The following TIMM44 variants were observed in gnomAD, a reference collection of about 807,000 sequenced individuals.
The protein encoded by TIMM44 is mitochondrial import inner membrane translocase subunit TIM44.
In TIMM44, 37 loss-of-function variants were observed where a neutral mutation model predicts 63.8. The observed-to-expected ratio is 0.58, with a 90% CI of 0.45 to 0.76. The LOEUF is 0.76. Among genes scored for constraint, TIMM44 ranks in the 30% least tolerant of loss-of-function variants. TIMM44 has a pLI of 0.00. For synonymous variants in TIMM44, 239 were observed against 245.1 expected (o/e 0.98, Z 0.23); for missense variants, 573 against 603.8 (o/e 0.95, Z 0.54).
chr19:7,942,203 C>T (rs952129283), intron 1 of TIMM44, among the ~76,000 whole-genome samples: 8 of 152,050 alleles, frequency 5.3e-5, no homozygotes, highest in Admixed American at 3.3e-4. Flanking sequence ...AAAAATTAGC[C>T]GGGCGTGGTG....
At position 7,928,114 on chromosome 19, in the gene TIMM44, T is replaced by C. The variant is rs1342972623; in HGVS notation, c.1091A>G (p.Gln364Arg). 1.2e-6 allele frequency: 2 copies of C among 1,614,080 alleles called. No homozygotes were observed. Among genetic ancestry groups the C allele is most frequent in the Non-Finnish European group, 1.7e-6 (2 of 1,179,968 alleles). ...AATGTCTAGGATGCGAGAATGGAAC[T>C]GGAGACCCAGTGCCTTGGCCTGCTG... ...PIQQAKALGL[Q>R]FHSRILDIDN... Residue 364 changes from glutamine to arginine, a missense_variant, in exon 11 of 13, where the codon CAG becomes CGG. By Grantham distance (43) the Gln-to-Arg change is conservative. Coordinates refer to ENST00000270538, the MANE Select transcript of TIMM44 (RefSeq NM_006351.4).
At chr19:7,939,628 AAAGC>A (rs1193509040) in intron 2 of TIMM44, among the ~76,000 whole-genome samples, 3 of 151,018 alleles carry the variant, frequency 2.0e-5, no homozygotes, top group Admixed American at 6.6e-5. Flanking sequence ...AAAAAAAAAA[AAAGC>A]AGGCTGGACA....
At chr19:7,942,132 C>T (rs1390119120) in intron 1 of TIMM44, among the ~76,000 whole-genome samples, 3 of 152,044 alleles carry the variant, frequency 2.0e-5, no homozygotes, top group Admixed American at 6.6e-5. Context: ...GAGGATCACC[C>T]GGTCAGGAGT....
rs1419046585 is a variant in TIMM44 at position 7,928,100 on chromosome 19, T to A, written c.1105A>T (p.Ile369Phe). ...KALGLQFHSR[I>F]LDIDNVDLAM... ...ACGTCGACGTTGTCAATGTCTAGGA[T>A]GCGAGAATGGAACTGGAGACCCAGT... The change falls in exon 11 of 13, where the codon ATC (isoleucine) becomes TTC (phenylalanine). Residue 369 changes from isoleucine to phenylalanine, a missense_variant. Physicochemically the swap from Ile to Phe is conservative, Grantham distance 21. Transcript: ENST00000270538. 1 of 1,614,024 alleles carries A rather than the reference T, an allele frequency of 6.2e-7. No homozygotes were observed. Among genetic ancestry groups the A allele is most frequent in the Non-Finnish European group, 8.5e-7 (1 of 1,179,948 alleles).
Position 7,943,325 on chromosome 19 carries a change from TCTCTCTCCTGTATACGTGGA to T in TIMM44, c.45+262_45+281del, listed in dbSNP as rs1452715241. Among the ~76,000 whole-genome samples the T allele has an allele frequency of 5.9e-5, 9 of 152,132 alleles. No homozygotes were observed. The South Asian group carries it at 1.7e-3, about 28-fold the overall frequency. ...GGGACGCCGCCGCCCCGGCTACCATTCTCTCTCCTGTATACGTGGAGTCTGATCAGAGGGCGAAGGGTGAT... is the reference window on the plus strand; with the variant it reads ...GGGACGCCGCCGCCCCGGCTACCATTGTCTGATCAGAGGGCGAAGGGTGAT... On this transcript the variant is annotated intron_variant, in intron 1 of 12. Coordinates refer to ENST00000270538, the MANE Select transcript of TIMM44 (RefSeq NM_006351.4). The surrounding 1 kb of genome is among the most constrained non-coding windows in gnomAD (Gnocchi z 4.3).
Position 7,943,040 on chromosome 19 carries a change from CAAA to C in TIMM44, c.45+564_45+566del, listed in dbSNP as rs546602728. ...GGGCGACAAGAGCGAAACTCTGTCT[CAAA>C]AAAAAAAAAAAAAGAGAAAAAAGAA... On this transcript the variant is annotated intron_variant, in intron 1 of 12. Transcript: ENST00000270538. This position sits in a 1 kb window ranked among gnomAD's most constrained non-coding sequence, Gnocchi z 4.3. 1.1e-4 allele frequency among the ~76,000 whole-genome samples: 9 copies of C among 84,000 alleles called. No individual in the cohort carries two copies. The highest frequency in any genetic ancestry group is 3.6e-4 in the South Asian group (1 of 2,816). The allele number at this position is 84,000 out of a possible 152,430, so 55.1% of individuals were successfully genotyped here.
chr19:7,935,167 CTTTTTTTT>C, intron 3 of TIMM44, 22 bp from the exon 4 acceptor site: 15 of 1,254,014 alleles, frequency 1.2e-5, no homozygotes, highest in African/African-American at 3.5e-5. Context: ...GCGCTGTGTC[CTTTTTTTT>C]TTTTTTTTTT....
At position 7,932,711 on chromosome 19, in the gene TIMM44, C is replaced by G. The variant is rs372298685; in HGVS notation, c.903G>C (p.Thr301=). The change falls in exon 9 of 13, where the codon ACG becomes ACC. Residue 301 remains threonine, a synonymous_variant. Coordinates refer to ENST00000270538, the MANE Select transcript of TIMM44 (RefSeq NM_006351.4). ...AGGCCGGGTCCACCCGGAGGATCTC[C>G]GTGAGCACCTCCGACATCTCTGTCT... is the stretch of plus-strand genomic sequence containing the variant. The part of the protein sequence containing the change: ...FSKTEMSEVL[T]EILRVDPAFD... 4 of 1,614,140 alleles carry G rather than the reference C, an allele frequency of 2.5e-6. No homozygotes were observed. Among genetic ancestry groups the G allele is most frequent in the Non-Finnish European group, 3.4e-6 (4 of 1,180,018 alleles).
chr19:7,943,554 GA>G lies in TIMM44; in HGVS notation c.45+52del. 1 of 1,551,340 alleles carries G rather than the reference GA, an allele frequency of 6.4e-7. No homozygotes were observed. Among genetic ancestry groups the G allele is most frequent in the Non-Finnish European group, 8.7e-7 (1 of 1,152,826 alleles). On this transcript the variant is annotated intron_variant, in intron 1 of 12. Transcript: ENST00000270538. The surrounding 1 kb of genome is among the most constrained non-coding windows in gnomAD (Gnocchi z 4.3). Reference sequence around the variant, plus strand: ...GTCTGAGAAGAAAGCCTTGGTGGCCGAAGGCCCAGAAGACCCCTAAGCTCGC... The same window carrying G: ...GTCTGAGAAGAAAGCCTTGGTGGCCGAGGCCCAGAAGACCCCTAAGCTCGC...
At position 7,935,113 on chromosome 19, in the gene TIMM44, G is replaced by C. The variant is rs1434869627; in HGVS notation, c.345C>G (p.Ser115Arg). The C allele has an allele frequency of 2.5e-6, 4 of 1,613,078 alleles. No individual in the cohort carries two copies. The highest frequency in any genetic ancestry group is 1.7e-6 in the Non-Finnish European group (2 of 1,179,858). ...CCCCAAGCTTCTTCCGTAGCACCTC[G>C]CTCGTCCGCACGGTTTCTGACTCGA... The part of the protein sequence containing the change: ...KTIESETVRT[S>R]EVLRKKLGEL... Residue 115 changes from serine to arginine, a missense_variant, in exon 4 of 13, where the codon AGC (serine) becomes AGG (arginine). By Grantham distance (110) the Ser-to-Arg change is moderately radical. Coordinates refer to ENST00000270538, the MANE Select transcript of TIMM44 (RefSeq NM_006351.4).
intron 2 of TIMM44, among the ~76,000 whole-genome samples, chr19:7,938,605 G>A (rs1478959651): frequency 1.3e-5 from 2 of 152,080 alleles, no homozygotes; most frequent in South Asian, 2.1e-4. Context: ...TCAGGAGTTC[G>A]AGACCAGCCT....
chr19:7,928,319 T>G (rs1599645643), intron 10 of TIMM44, 153 bp from the exon 11 acceptor site: 1 of 633,786 alleles, frequency 1.6e-6, no homozygotes, highest in South Asian at 1.8e-5. Flanking sequence ...GGGAGGCAGG[T>G]GCCACCCACT....
rs182468595 is a variant in TIMM44 at position 7,927,128 on chromosome 19, G to A, written c.*59C>T. ...GAGGTCTGGAGTTGCCGCAGGTGGT[G>A]TTGCGGTGCCTCTGTGCCTGATGAC... On this transcript the variant is annotated 3_prime_UTR_variant, in exon 13 of 13. Coordinates refer to ENST00000270538, the MANE Select transcript of TIMM44 (RefSeq NM_006351.4). The A allele has an allele frequency of 4.4e-4, 692 of 1,558,596 alleles. 4 individuals are homozygous for A. The highest frequency in any genetic ancestry group is 1.7e-3 in the Middle Eastern group (10 of 6,012).
intron 2 of TIMM44, among the ~76,000 whole-genome samples, chr19:7,939,860 C>T (rs548405886): frequency 6.6e-4 from 100 of 152,248 alleles, no homozygotes; most frequent in Middle Eastern, 3.4e-3. Context: ...TTGCAGTGAG[C>T]GGTATCTCGC....
chr19:7,928,220 C>G lies in TIMM44; in HGVS notation c.1039-54G>C, dbSNP rs553349734. The stretch of plus-strand genomic sequence containing the variant: ...GATGCCACCCAGGGTGGGCACCACG[C>G]CACACAGAGCTGCTGCCCACACACC... On this transcript the variant is annotated intron_variant, in intron 10 of 12. Transcript: ENST00000270538. The G allele has an allele frequency of 4.1e-5, 60 of 1,464,526 alleles. 1 individual carries two copies. In the South Asian group the frequency reaches 7.0e-4, roughly 17 times the overall value. The allele number at this position is 1,464,526 out of a possible 1,614,324, so 90.7% of individuals were successfully genotyped here. A position where few individuals can be genotyped will look rare whatever the true frequency, so the allele number is the denominator to read the frequency against.
At position 7,927,294 on chromosome 19, in the gene TIMM44, G is replaced by A. The variant is rs1178377258; in HGVS notation, c.1252C>T (p.Arg418Trp). The part of the protein sequence containing the change: ...VVEGDPDKVL[R>W]MLYVWALCRD... ...CAGAGCGCCCACACGTACAGCATCC[G>A]CAGCACCTTGTCCTGCAGGGTGGGG... The change falls in exon 13 of 13, where the codon CGG becomes TGG. Residue 418 changes from arginine to tryptophan, a missense_variant. Transcript: ENST00000270538. 10 of 1,610,956 alleles carry A rather than the reference G, an allele frequency of 6.2e-6. No homozygotes were observed. The highest frequency in any genetic ancestry group is 3.3e-5 in the Admixed American group (2 of 59,990).
chr19:7,938,666 G>A (rs1376579052), intron 2 of TIMM44, among the ~76,000 whole-genome samples: 2 of 152,122 alleles, frequency 1.3e-5, no homozygotes, highest in African/African-American at 4.8e-5. Context: ...AGTTAGCTGC[G>A]CATGGTGGTG....
chr19:7,938,840 G>A (rs34752535), intron 2 of TIMM44, among the ~76,000 whole-genome samples: 14,750 of 152,026 alleles, frequency 0.097, 851 homozygotes, highest in African/African-American at 0.17. Context: ...TAAAAAACAA[G>A]CAAGAAATAT....
At chr19:7,931,748 T>TGGAGCGGGGAGA (rs1219505764) in intron 9 of TIMM44, 2 of 160,282 alleles carry the variant, frequency 1.2e-5, no homozygotes, top group African/African-American at 4.8e-5. Flanking sequence ...GGGAGGTGCC[T>TGGAGCGGGGAGA]GGAGCGGGGA....
Sources: allele counts gnomAD v4.1 joint callset (sites outside exome capture counted in the v4.1 genomes callset), GRCh38; gene constraint gnomAD v4.1.1; non-coding constraint Gnocchi (gnomAD v3.1); transcripts MANE v1.5; gene names NCBI Gene and HGNC (gene_info 2026-07-23, HGNC 2026-07-21).